PRKCQ: variants seen among roughly 807,000 people sequenced by gnomAD.
The protein encoded by PRKCQ is protein kinase C theta type.
In PRKCQ, 41 loss-of-function variants were observed where a neutral mutation model predicts 91.2. The ratio of observed to expected loss-of-function variants is 0.45; its 90% CI spans 0.35 to 0.58. The LOEUF (loss-of-function observed/expected upper bound fraction) is 0.58. Among genes scored for constraint, PRKCQ ranks in the 20% least tolerant of loss-of-function variants. The pLI is 0.00. For missense variants in PRKCQ, 673 were observed against 896.5 expected, an observed-to-expected ratio of 0.75 and a Z score of 3.18; for synonymous variants, 307 against 316.9, an observed-to-expected ratio of 0.97 and a Z score of 0.33.
chr10:6,570,073 C>T (rs1840981897), intron 1 of PRKCQ, among the ~76,000 whole-genome samples: 1 of 151,844 alleles, frequency 6.6e-6, no homozygotes, highest in Non-Finnish European at 1.5e-5. Flanking sequence ...GAAACATGGG[C>T]AGGGGGGTCA....
chr10:6,565,162 T>C lies in PRKCQ; in HGVS notation c.-10+15049A>G, dbSNP rs553410882. Among the ~76,000 whole-genome samples, 12 of 152,360 alleles carry C rather than the reference T, an allele frequency of 7.9e-5. No homozygotes were observed. The South Asian group carries it at 2.5e-3, about 32-fold the overall frequency. The stretch of plus-strand genomic sequence containing the variant: ...TTTGATGCTTCTTTATAATGCGCCT[T>C]CTTAGCAGCATGGCTGGGTGTCTTG... On this transcript the variant is annotated intron_variant, in intron 1 of 17. Coordinates refer to ENST00000263125, the MANE Select transcript of PRKCQ (RefSeq NM_006257.5).
At chr10:6,500,134 A>G (rs1837827649) in intron 4 of PRKCQ, among the ~76,000 whole-genome samples, 1 of 152,240 alleles carries the variant, frequency 6.6e-6, no homozygotes, top group Admixed American at 6.5e-5. Context: ...GAGGGGTTAA[A>G]TTAAGGATCA....
chr10:6,437,598 C>G (rs1420120584), intron 16 of PRKCQ, among the ~76,000 whole-genome samples: 1 of 152,110 alleles, frequency 6.6e-6, no homozygotes, highest in East Asian at 1.9e-4. Flanking sequence ...TTTGAACCTG[C>G]CTTTATATAA....
intron 8 of PRKCQ, chr10:6,489,619 TGCGGGGTGAGCGGAGCAG>T (rs1837161831): frequency 2.6e-6 from 1 of 389,478 alleles, no homozygotes; most frequent in South Asian, 1.9e-5. Context: ...CGCGGGGGCA[TGCGGGGTGAGCGGAGCAG>T]GCGGGGTGAG....
chr10:6,492,835 C>T (rs1837395562), intron 7 of PRKCQ, among the ~76,000 whole-genome samples: 1 of 152,138 alleles, frequency 6.6e-6, no homozygotes, highest in Admixed American at 6.5e-5. Flanking sequence ...GTTTCTAATT[C>T]AACAGTTCCT....
intron 1 of PRKCQ, among the ~76,000 whole-genome samples, chr10:6,521,105 C>T (rs943353949): frequency 6.6e-6 from 1 of 152,150 alleles, no homozygotes; most frequent in Non-Finnish European, 1.5e-5. Flanking sequence ...GCTGTATTTC[C>T]CTACAATGTG....
chr10:6,573,236 GT>G lies in PRKCQ; in HGVS notation c.-10+6974del, dbSNP rs370707907. Among the ~76,000 whole-genome samples the G allele has an allele frequency of 1.1e-3, 163 of 152,300 alleles. 1 individual carries two copies. In the East Asian group the frequency reaches 0.023, roughly 21 times the overall value. On this transcript the variant is annotated intron_variant, in intron 1 of 17. Coordinates refer to ENST00000263125, the MANE Select transcript of PRKCQ (RefSeq NM_006257.5). Reference sequence around the variant, plus strand: ...AAAACTGTGTAGAAGGCCTGCTTTTGTATAGCTAAAACATATCAGTGAAAAC... The same window carrying G: ...AAAACTGTGTAGAAGGCCTGCTTTTGATAGCTAAAACATATCAGTGAAAAC...
At chr10:6,454,097 A>G (rs1208763371) in intron 15 of PRKCQ, among the ~76,000 whole-genome samples, 3 of 152,298 alleles carry the variant, frequency 2.0e-5, no homozygotes, top group African/African-American at 7.2e-5. Context: ...AATGCAATTT[A>G]GTTATTTTAA....
At chr10:6,575,495 C>T (rs536640053) in intron 1 of PRKCQ, among the ~76,000 whole-genome samples, 10 of 152,254 alleles carry the variant, frequency 6.6e-5, no homozygotes, top group South Asian at 6.2e-4. Flanking sequence ...CCCTACCTAC[C>T]GGGACATTCT....
intron 1 of PRKCQ, among the ~76,000 whole-genome samples, chr10:6,525,367 CAGG>C (rs1359281644): frequency 6.6e-6 from 1 of 152,138 alleles, no homozygotes; most frequent in Non-Finnish European, 1.5e-5. Flanking sequence ...CACCTGAGGT[CAGG>C]AGTTCAAGAC....
At chr10:6,482,802 T>C (rs984431124) in intron 11 of PRKCQ, among the ~76,000 whole-genome samples, 7 of 152,030 alleles carry the variant, frequency 4.6e-5, no homozygotes, top group Non-Finnish European at 8.8e-5. Flanking sequence ...TGGTGGCAGG[T>C]GAGAGGGCAT....
the PRKCQ span, among the ~76,000 whole-genome samples, chr10:6,413,683 CACACACACACACTAGGAA>C: frequency 7.7e-6 from 1 of 130,104 alleles, no homozygotes. Flanking sequence ...GCCACTTGTG[CACACACACACACTAGGAA>C]GCACTGGATT....
At chr10:6,487,462 C>T (rs1381077786) in intron 8 of PRKCQ, among the ~76,000 whole-genome samples, 3 of 152,276 alleles carry the variant, frequency 2.0e-5, no homozygotes, top group Non-Finnish European at 2.9e-5. Flanking sequence ...AAGTCATGAA[C>T]GCTCTGGGGG....
chr10:6,487,774 G>A (rs1461145428), intron 8 of PRKCQ, among the ~76,000 whole-genome samples: 2 of 152,114 alleles, frequency 1.3e-5, no homozygotes, highest in South Asian at 4.1e-4. Context: ...GAGGCGGGCA[G>A]ATCACCTGAG....
chr10:6,511,532 T>C (rs1355120893), intron 2 of PRKCQ, among the ~76,000 whole-genome samples: 3 of 152,160 alleles, frequency 2.0e-5, no homozygotes, highest in Non-Finnish European at 2.9e-5. Context: ...ATGACGAGAA[T>C]TGCCAAGGAA....
At chr10:6,538,033 CT>C (rs915026348) in intron 1 of PRKCQ, among the ~76,000 whole-genome samples, 12 of 152,266 alleles carry the variant, frequency 7.9e-5, no homozygotes, top group Admixed American at 5.2e-4. Flanking sequence ...GGGAATTGCT[CT>C]CTTGGGGCTT....
the PRKCQ span, among the ~76,000 whole-genome samples, chr10:6,407,393 C>A: frequency 6.6e-6 from 1 of 151,432 alleles, no homozygotes; most frequent in African/African-American, 2.4e-5. This position sits in a 1 kb window ranked among gnomAD's most constrained non-coding sequence, Gnocchi z 4.0. Flanking sequence ...CAGCTTGTGT[C>A]GGGCCCAGAA....
At chr10:6,404,868 CCTTT>C in the PRKCQ span, among the ~76,000 whole-genome samples, 6 of 139,182 alleles carry the variant, frequency 4.3e-5, no homozygotes, top group African/African-American at 8.1e-5. Flanking sequence ...TCTCTTCCTT[CCTTT>C]CTTTCCTTTT....
At chr10:6,470,158 AT>A (rs751391940) in intron 12 of PRKCQ, among the ~76,000 whole-genome samples, 1 of 151,960 alleles carries the variant, frequency 6.6e-6, no homozygotes, top group Non-Finnish European at 1.5e-5. Flanking sequence ...TCAGTTTTTG[AT>A]TGTCAACTCT....
Sources: gnomAD v4.1 joint callset for allele counts (sites outside exome capture counted in the v4.1 genomes callset) on GRCh38, gnomAD v4.1.1 for gene constraint, Gnocchi (gnomAD v3.1) non-coding constraint, MANE v1.5 for transcripts, NCBI Gene and HGNC (gene_info 2026-07-23, HGNC 2026-07-21) for gene names.